SOS2: variants seen among roughly 807,000 people sequenced by gnomAD.
SOS2 encodes the protein SOS Ras/Rho guanine nucleotide exchange factor 2, also known as son of sevenless homolog 2.
Under a neutral mutation model 148.2 loss-of-function variants are expected in SOS2, and 65 were observed. The ratio of observed to expected loss-of-function variants is 0.44; its 90% confidence interval spans 0.36 to 0.54. The LOEUF (loss-of-function observed/expected upper bound fraction) is 0.54. SOS2 is among the 20% of genes least tolerant of loss of function. SOS2 has a pLI of 0.00. For synonymous variants in SOS2, 539 were observed against 537.1 expected, an observed-to-expected ratio of 1.00 and a Z score of -0.05; for missense variants, 1,341 against 1,590.2, an observed-to-expected ratio of 0.84 and a Z score of 2.67.
intron 4 of SOS2, among the ~76,000 whole-genome samples, chr14:50,195,978 G>A (rs1159962962): frequency 2.6e-5 from 4 of 151,812 alleles, no homozygotes; most frequent in Non-Finnish European, 5.9e-5. Context: ...AGTGAGCCGA[G>A]ATCACACCAC....
At chr14:50,227,877 A>G (rs1294338193) in intron 1 of SOS2, among the ~76,000 whole-genome samples, 2 of 152,262 alleles carry the variant, frequency 1.3e-5, no homozygotes, top group African/African-American at 4.8e-5. Flanking sequence ...ATATAGACAT[A>G]GATATCCAGT....
intron 4 of SOS2, among the ~76,000 whole-genome samples, chr14:50,193,429 A>C (rs529461497): frequency 1.3e-5 from 2 of 152,280 alleles, no homozygotes; most frequent in East Asian, 1.9e-4. Flanking sequence ...GTAGTAACTT[A>C]TATACTAGAA....
At chr14:50,199,616 T>C (rs1330124063) in intron 4 of SOS2, 75 bp downstream of exon 4, 40 of 838,418 alleles carry the variant, frequency 4.8e-5, no homozygotes, top group Non-Finnish European at 5.5e-5. Flanking sequence ...TATCTAATAA[T>C]GTACACAAAA....
chr14:50,133,242 CTTTTTTCTTTTTTT>C (rs1883956062), intron 19 of SOS2, among the ~76,000 whole-genome samples: 1 of 78,816 alleles, frequency 1.3e-5, no homozygotes, highest in African/African-American at 4.7e-5. Context: ...TTTCTTTTTT[CTTTTTTCTTTTTTT>C]TTTTTTTTGA....
rs1315990337 is a variant in SOS2, at chr14:50,199,596, A to C, written c.510+95T>G. 3.2e-5 allele frequency: 22 copies of C among 682,038 alleles called. No individual in the cohort carries two copies. The South Asian group carries it at 5.9e-4, about 18-fold the overall frequency. 42.2% of individuals were successfully genotyped at this position (682,038 alleles called of 1,614,324 possible). On this transcript the variant is annotated intron_variant, in intron 4 of 22. Transcript: ENST00000216373. ...TCTCTCTTCCAGTACTAGCAATTAT[A>C]AAGATTACTTATCTAATAATGTACA...
At chr14:50,163,376 A>G (rs1885072041) in intron 8 of SOS2, among the ~76,000 whole-genome samples, 1 of 152,158 alleles carries the variant, frequency 6.6e-6, no homozygotes, top group Non-Finnish European at 1.5e-5. Context: ...TTCCTCAGCA[A>G]AGAACTAACT....
At chr14:50,227,055 C>A (rs1238704356) in intron 1 of SOS2, among the ~76,000 whole-genome samples, 1 of 152,102 alleles carries the variant, frequency 6.6e-6, no homozygotes. Context: ...TGTTAACAAT[C>A]CATGCATTAT....
rs781461999 is a variant in SOS2 at position 50,182,606 on chromosome 14, C to T, written c.715G>A (p.Asp239Asn). The part of the protein sequence containing the change: ...LSDRKLFKPS[D>N]IEKIFSNISD... ...ATGTTACTAAAAATCTTTTCGATAT[C>T]CTGAAAAAAGAGAAGGAAGGTTAAG... Residue 239 changes from aspartate to asparagine, a missense_variant and splice_region_variant, in exon 6 of 23, where the codon GAT becomes AAT. This residue lies in a region of SOS2 where 574 missense variants were observed against 711.1 expected (regional missense o/e 0.81). Transcript: ENST00000216373. The T allele has an allele frequency of 3.1e-6, 5 of 1,594,156 alleles. No individual in the cohort carries two copies. The East Asian group carries it at 1.1e-4, about 36-fold the overall frequency.
At chr14:50,182,257 G>C (rs1566841361) in intron 6 of SOS2, among the ~76,000 whole-genome samples, 1 of 150,062 alleles carries the variant, frequency 6.7e-6, no homozygotes, top group Non-Finnish European at 1.5e-5. Flanking sequence ...ATGGAGTGCA[G>C]TGACACAATC....
chr14:50,165,129 A>T (rs1885127415), intron 8 of SOS2, among the ~76,000 whole-genome samples: 1 of 152,194 alleles, frequency 6.6e-6, no homozygotes, highest in Admixed American at 6.5e-5. Context: ...AATATTTCTC[A>T]TAGCTCATCT....
intron 16 of SOS2, among the ~76,000 whole-genome samples, chr14:50,143,572 G>T (rs1302517239): frequency 6.6e-6 from 1 of 151,894 alleles, no homozygotes; most frequent in Non-Finnish European, 1.5e-5. Context: ...TGAGTAGCTG[G>T]GATTGCAAAC....
chr14:50,218,869 C>T (rs1364352365), intron 1 of SOS2, among the ~76,000 whole-genome samples: 2 of 151,872 alleles, frequency 1.3e-5, no homozygotes, highest in Non-Finnish European at 2.9e-5. Context: ...AATCCCAGCA[C>T]GTTGGGAGGC....
At chr14:50,134,271 A>G (rs1482698378) in intron 18 of SOS2, 32 bp from the exon 19 acceptor site, 1 of 970,282 alleles carries the variant, frequency 1.0e-6, no homozygotes, top group African/African-American at 1.6e-5. Context: ...AAGTGCATAT[A>G]TAGTAAGTAT....
At chr14:50,160,646 C>G (rs568561225) in intron 9 of SOS2, among the ~76,000 whole-genome samples, 1 of 151,928 alleles carries the variant, frequency 6.6e-6, no homozygotes, top group Non-Finnish European at 1.5e-5. Flanking sequence ...CTTGGACTCC[C>G]GAAGTGCTGG....
rs869254200 is a variant in SOS2 at position 50,121,531 on chromosome 14, AG to A, written c.3380-1148del. Among the ~76,000 whole-genome samples, 50 of 6,984 alleles carry A rather than the reference AG, an allele frequency of 7.2e-3. 1 individual carries two copies. Among genetic ancestry groups the A allele is most frequent in the Non-Finnish European group, 5.9e-3 (19 of 3,238 alleles). The allele number at this position is 6,984 out of a possible 152,430, so 4.6% of individuals were successfully genotyped here. A position where few individuals can be genotyped will look rare whatever the true frequency, so the allele number is the denominator to read the frequency against. ...TGGCTCTGCAGTTACTTCCTGGGGG[AG>A]GGGGGGGAGTCCTGTTGACTCAGGG... On this transcript the variant is annotated intron_variant, in intron 21 of 22. Transcript: ENST00000216373.
intron 21 of SOS2, among the ~76,000 whole-genome samples, chr14:50,125,614 G>T (rs901583367): frequency 4.6e-5 from 7 of 152,210 alleles, no homozygotes; most frequent in Non-Finnish European, 1.0e-4. Context: ...AAACCCTACA[G>T]AGAGTAATAC....
rs1268576704 is a variant in SOS2, at chr14:50,118,487, G to A, written c.3856C>T (p.His1286Tyr). Residue 1286 changes from histidine to tyrosine, a missense_variant, in exon 23 of 23, where the codon CAT becomes TAT. His to Tyr is a moderately conservative substitution (Grantham distance 83, BLOSUM62 2). This residue lies in a region of SOS2 where 354 missense variants were observed against 347.7 expected (regional missense o/e 1.02). Coordinates refer to ENST00000216373, the MANE Select transcript of SOS2 (RefSeq NM_006939.4). ...VLSSSQNNLA[H>Y]PPAPPVPPRQ... ...GGTGGAACAGGGGGAGCTGGAGGAT[G>A]AGCAAGATTATTCTGACTAGAACTG... 4 of 1,614,024 alleles carry A rather than the reference G, an allele frequency of 2.5e-6. No individual in the cohort carries two copies. The highest frequency in any genetic ancestry group is 1.3e-5 in the African/African-American group (1 of 74,886).
intron 1 of SOS2, among the ~76,000 whole-genome samples, chr14:50,220,753 T>C (rs547205035): frequency 3.3e-5 from 5 of 152,320 alleles, no homozygotes; most frequent in Non-Finnish European, 5.9e-5. Context: ...AAGAAGCTAT[T>C]TCTACTTAAT....
chr14:50,161,533 T>C lies in SOS2; in HGVS notation c.1145A>G (p.Gln382Arg). Residue 382 changes from glutamine (Q) to arginine (R), a missense_variant, in exon 9 of 23, where the codon CAA becomes CGA. Coordinates refer to ENST00000216373, the MANE Select transcript of SOS2 (RefSeq NM_006939.4). ...NQAITALMNL[Q>R]GSMDRIYKQY... ...CTTGTAAATTCGGTCCATGCTACCTTGGAGATTCATGAGAGCAGTAATAGC... is the reference window on the plus strand; with the variant it reads ...CTTGTAAATTCGGTCCATGCTACCTCGGAGATTCATGAGAGCAGTAATAGC... 6.2e-7 allele frequency: 1 copy of C among 1,611,630 alleles called. No individual in the cohort carries two copies. The highest frequency in any genetic ancestry group is 8.5e-7 in the Non-Finnish European group (1 of 1,177,832).
Sources: gnomAD v4.1 joint callset for allele counts (sites outside exome capture counted in the v4.1 genomes callset) on GRCh38, gnomAD v4.1.1 for gene constraint, gnomAD v4.1.1 regional missense constraint, MANE v1.5 for transcripts, NCBI Gene and HGNC (gene_info 2026-07-23, HGNC 2026-07-21) for gene names.